Variants in CTNNA2 observed in about 807,000 individuals in gnomAD.
CTNNA2 encodes catenin alpha-2.
A neutral mutation model predicts 101.0 loss-of-function variants in CTNNA2; 42 were observed. That is an observed-to-expected ratio of 0.42 (90% CI 0.32 to 0.54). The LOEUF (loss-of-function observed/expected upper bound fraction) is 0.54, where lower values mean the gene tolerates loss of function less well. Ranked by LOEUF, CTNNA2 falls within the 20% of genes least tolerant of loss-of-function variation. The pLI, the probability that CTNNA2 is intolerant of heterozygous loss-of-function variation, is 0.14. For synonymous variants in CTNNA2, 450 were observed against 456.4 expected, an observed-to-expected ratio of 0.99 and a Z score of 0.18; for missense variants, 871 against 1,223.1, an observed-to-expected ratio of 0.71 and a Z score of 4.29.
At chr2:79,434,266 C>G (rs1052724087) in intron 4 of CTNNA2, among the ~76,000 whole-genome samples, 1 of 145,954 alleles carries the variant, frequency 6.9e-6, no homozygotes, top group African/African-American at 2.5e-5. Context: ...CAGCTACACT[C>G]CAGCCTGGGA....
chr2:79,385,902 A>T (rs1678095112), intron 4 of CTNNA2, among the ~76,000 whole-genome samples: 1 of 152,160 alleles, frequency 6.6e-6, no homozygotes, highest in Admixed American at 6.5e-5. Context: ...CATGGTGTAT[A>T]TGTGCCACAT....
intron 7 of CTNNA2, among the ~76,000 whole-genome samples, chr2:80,310,643 T>G (rs186793967): frequency 3.6e-4 from 55 of 152,326 alleles, no homozygotes; most frequent in African/African-American, 1.2e-3. Context: ...TTGCTTACAT[T>G]ACTCCTCAGT....
chr2:80,363,385 A>C (rs1228277373), intron 7 of CTNNA2, among the ~76,000 whole-genome samples: 1 of 152,180 alleles, frequency 6.6e-6, no homozygotes, highest in Non-Finnish European at 1.5e-5. Flanking sequence ...ATAAGAATTA[A>C]ATTGAAGATT....
At chr2:79,932,558 TGTAA>T (rs1490219675) in intron 7 of CTNNA2, among the ~76,000 whole-genome samples, 1 of 152,080 alleles carries the variant, frequency 6.6e-6, no homozygotes, top group Non-Finnish European at 1.5e-5. Context: ...GAATTTATGA[TGTAA>T]GTGAGCCAGT....
At chr2:80,608,398 T>TA in intron 17 of CTNNA2, 80 bp downstream of exon 17, 1 of 1,467,048 alleles carries the variant, frequency 6.8e-7, no homozygotes, top group Admixed American at 1.8e-5. Context: ...ACAGTACTGC[T>TA]AAAAACACCA....
chr2:80,373,547 TTG>T (rs1675646852), intron 7 of CTNNA2, among the ~76,000 whole-genome samples: 1 of 152,196 alleles, frequency 6.6e-6, no homozygotes. Flanking sequence ...GAGATTAAAT[TTG>T]TCTCTGGATG....
chr2:80,605,366 T>C (rs1409303311), intron 16 of CTNNA2: 2 of 152,016 alleles, frequency 1.3e-5, no homozygotes, highest in African/African-American at 2.4e-5. Context: ...TCATAAAATA[T>C]AAGTTTTGGA....
chr2:80,384,175 G>T (rs1434715986), intron 7 of CTNNA2, among the ~76,000 whole-genome samples: 1 of 152,118 alleles, frequency 6.6e-6, no homozygotes, highest in African/African-American at 2.4e-5. Flanking sequence ...GAGGGTGGAG[G>T]GTGGGAGGAA....
At chr2:79,232,648 A>C (rs889203897) in intron 2 of CTNNA2, among the ~76,000 whole-genome samples, 11 of 152,104 alleles carry the variant, frequency 7.2e-5, no homozygotes, top group African/African-American at 2.4e-4. Context: ...GTAGAATTTT[A>C]CTGTAAATCC....
intron 8 of CTNNA2, among the ~76,000 whole-genome samples, chr2:80,402,325 C>T (rs1377363471): frequency 6.6e-6 from 1 of 152,110 alleles, no homozygotes; most frequent in East Asian, 1.9e-4. Flanking sequence ...TTTATGCATT[C>T]ATAGGCATGA....
At chr2:80,215,564 C>CTGCAGAACAGCAAATAT (rs1708211367) in intron 7 of CTNNA2, among the ~76,000 whole-genome samples, 1 of 152,140 alleles carries the variant, frequency 6.6e-6, no homozygotes, top group African/African-American at 2.4e-5. Flanking sequence ...CCAGCTGAGG[C>CTGCAGAACAGCAAATAT]TGCAGAACAG....
At chr2:79,616,892 T>G (rs934224735) in intron 1 of CTNNA2, among the ~76,000 whole-genome samples, 2 of 151,702 alleles carry the variant, frequency 1.3e-5, no homozygotes, top group Non-Finnish European at 2.9e-5. Flanking sequence ...CAATAATATT[T>G]AATATTTTCT....
intron 4 of CTNNA2, among the ~76,000 whole-genome samples, chr2:79,501,416 C>A (rs1157994610): frequency 6.6e-6 from 1 of 152,120 alleles, no homozygotes; most frequent in Non-Finnish European, 1.5e-5. Flanking sequence ...AGGAGTGAGC[C>A]ACTGCATTCA....
intron 7 of CTNNA2, among the ~76,000 whole-genome samples, chr2:80,139,322 T>A (rs1251159848): frequency 2.6e-5 from 4 of 152,118 alleles, no homozygotes; most frequent in Non-Finnish European, 5.9e-5. Flanking sequence ...AAAATGACCA[T>A]GGATTGGTAT....
chr2:79,745,436 A>C (rs2104997473), intron 3 of CTNNA2, among the ~76,000 whole-genome samples: 1 of 151,750 alleles, frequency 6.6e-6, no homozygotes, highest in South Asian at 2.1e-4. Flanking sequence ...ATCTCTTAAA[A>C]AAAAAAAATA....
At chr2:79,738,930 C>T (rs1671088382) in intron 2 of CTNNA2, among the ~76,000 whole-genome samples, 1 of 152,138 alleles carries the variant, frequency 6.6e-6, no homozygotes, top group Non-Finnish European at 1.5e-5. Flanking sequence ...TCTATCTAAC[C>T]TTACTTTCCA....
intron 7 of CTNNA2, among the ~76,000 whole-genome samples, chr2:80,390,441 A>G (rs1677404550): frequency 6.6e-6 from 1 of 152,170 alleles, no homozygotes; most frequent in Non-Finnish European, 1.5e-5. Flanking sequence ...TGTGTTTTAC[A>G]GTTGCAGGAT....
intron 1 of CTNNA2, among the ~76,000 whole-genome samples, chr2:79,553,126 A>G (rs200264734): frequency 1.3e-5 from 2 of 152,164 alleles, no homozygotes; most frequent in East Asian, 1.9e-4. Flanking sequence ...TTGCCCTTGA[A>G]TATAAGCTCT....
intron 7 of CTNNA2, among the ~76,000 whole-genome samples, chr2:79,946,726 G>A (rs2104475866): frequency 6.6e-6 from 1 of 152,282 alleles, no homozygotes; most frequent in African/African-American, 2.4e-5. Context: ...TACCTGATAT[G>A]TTGAAAGCTC....
Sources: gnomAD v4.1 joint callset for allele counts (sites outside exome capture counted in the v4.1 genomes callset) on GRCh38, gnomAD v4.1.1 for gene constraint, MANE v1.5 for transcripts, NCBI Gene and HGNC (gene_info 2026-07-23, HGNC 2026-07-21) for gene names.